The following HYCC2 variants were observed in gnomAD, a reference collection of about 807,000 sequenced individuals.
HYCC2 encodes hyccin 2.
chr2:201,070,315 T>C, the HYCC2 span, among the ~76,000 whole-genome samples: 6 of 152,180 alleles, frequency 3.9e-5, no homozygotes, highest in African/African-American at 1.4e-4. Flanking sequence ...AAATAATTCA[T>C]AAGTAGCTTC....
At chr2:201,006,838 C>A in the HYCC2 span, among the ~76,000 whole-genome samples, 1 of 152,082 alleles carries the variant, frequency 6.6e-6, no homozygotes, top group Non-Finnish European at 1.5e-5. Flanking sequence ...ATTGAAGCCT[C>A]CTTAGAATGA....
At chr2:201,033,626 G>C in the HYCC2 span, among the ~76,000 whole-genome samples, 1 of 151,730 alleles carries the variant, frequency 6.6e-6, no homozygotes, top group East Asian at 1.9e-4. Flanking sequence ...GTATGGTCTC[G>C]ATCTCCTGAC....
the HYCC2 span, among the ~76,000 whole-genome samples, chr2:201,038,296 G>A: frequency 8.5e-5 from 13 of 152,264 alleles, no homozygotes; most frequent in African/African-American, 2.9e-4. Flanking sequence ...CTGTTGGTGG[G>A]ACTGTAAACT....
At chr2:200,980,239 G>A in the HYCC2 span, 1 of 152,472 alleles carries the variant, frequency 6.6e-6, no homozygotes, top group Non-Finnish European at 1.5e-5. Flanking sequence ...TTCTCTTATA[G>A]TCTGACATAA....
chr2:201,002,715 G>A, the HYCC2 span, among the ~76,000 whole-genome samples: 3 of 151,944 alleles, frequency 2.0e-5, no homozygotes, highest in East Asian at 3.9e-4. Context: ...TAGTAGAGAC[G>A]GGTTTCACTG....
chr2:201,044,652 G>A, the HYCC2 span, among the ~76,000 whole-genome samples: 11 of 152,258 alleles, frequency 7.2e-5, no homozygotes, highest in East Asian at 1.9e-3. Flanking sequence ...ATCAACACAC[G>A]TAAGGTCTTA....
At chr2:201,063,506 C>T in the HYCC2 span, 45 of 1,591,578 alleles carry the variant, frequency 2.8e-5, no homozygotes, top group Non-Finnish European at 3.7e-5. Context: ...CATGACTGAC[C>T]GAGGCAGTGG....
the HYCC2 span, among the ~76,000 whole-genome samples, chr2:201,032,081 C>T: frequency 6.6e-6 from 1 of 152,132 alleles, no homozygotes; most frequent in African/African-American, 2.4e-5. Context: ...CCGCCTCAGC[C>T]TCCCGAGTAT....
chr2:201,062,607 C>T, the HYCC2 span, among the ~76,000 whole-genome samples: 4 of 150,578 alleles, frequency 2.7e-5, no homozygotes, highest in Non-Finnish European at 3.0e-5. Flanking sequence ...GCTGAGATCG[C>T]GCCACTGCAC....
At chr2:201,009,288 AT>A in the HYCC2 span, 2 of 407,814 alleles carry the variant, frequency 4.9e-6, no homozygotes, top group Non-Finnish European at 9.0e-6. Context: ...TGCCTGTAAA[AT>A]ATAAAACTAA....
At chr2:200,992,362 A>G in the HYCC2 span, 21 of 1,595,314 alleles carry the variant, frequency 1.3e-5, no homozygotes, top group Non-Finnish European at 1.6e-5. Context: ...CCCACTGTCC[A>G]TTATACCTAT....
At chr2:201,059,729 A>G in the HYCC2 span, among the ~76,000 whole-genome samples, 1 of 152,088 alleles carries the variant, frequency 6.6e-6, no homozygotes, top group Non-Finnish European at 1.5e-5. Flanking sequence ...TTATGTTGTC[A>G]AAGACCTGTG....
At chr2:201,063,472 T>C in the HYCC2 span, 14 of 1,591,476 alleles carry the variant, frequency 8.8e-6, no homozygotes, top group Admixed American at 2.0e-4. Flanking sequence ...TTGAACAGTA[T>C]GGAAAAATTG....
At chr2:201,035,784 T>C in the HYCC2 span, among the ~76,000 whole-genome samples, 1 of 152,220 alleles carries the variant, frequency 6.6e-6, no homozygotes, top group East Asian at 1.9e-4. Flanking sequence ...GGTTTTGGTG[T>C]GGATGTCCTT....
At chr2:201,035,798 G>A in the HYCC2 span, among the ~76,000 whole-genome samples, 125 of 152,286 alleles carry the variant, frequency 8.2e-4, no homozygotes, top group African/African-American at 2.8e-3. Flanking sequence ...TGTCCTTTCT[G>A]TTAGTTAATT....
chr2:201,056,097 G>C, the HYCC2 span, among the ~76,000 whole-genome samples: 6 of 152,144 alleles, frequency 3.9e-5, no homozygotes, highest in Non-Finnish European at 7.4e-5. Flanking sequence ...AGGAGGCTGA[G>C]GCAGGAGAAT....
chr2:201,043,060 G>GAC, the HYCC2 span, among the ~76,000 whole-genome samples: 3 of 152,172 alleles, frequency 2.0e-5, no homozygotes, highest in African/African-American at 7.2e-5. Flanking sequence ...GTAGACATAG[G>GAC]AGACTCCATT....
the HYCC2 span, among the ~76,000 whole-genome samples, chr2:201,071,132 T>C: frequency 2.6e-5 from 4 of 152,270 alleles, no homozygotes; most frequent in East Asian, 7.7e-4. Context: ...TGTACAGCAA[T>C]AATGAGTGTT....
the HYCC2 span, among the ~76,000 whole-genome samples, chr2:201,050,375 C>T: frequency 6.6e-6 from 1 of 152,036 alleles, no homozygotes; most frequent in African/African-American, 2.4e-5. Context: ...TATTAAAAAT[C>T]TTTCCTTAAA....
Sources: allele counts gnomAD v4.1 joint callset (sites outside exome capture counted in the v4.1 genomes callset), GRCh38; gene constraint gnomAD v4.1.1; transcripts MANE v1.5; gene names NCBI Gene and HGNC (gene_info 2026-07-23, HGNC 2026-07-21).